GSE1: variants seen among roughly 807,000 people sequenced by gnomAD.
The protein encoded by GSE1 is Gse1 coiled-coil protein, also known as genetic suppressor element 1.
Under a neutral mutation model 112.6 loss-of-function variants are expected in GSE1, and 32 were observed. That is an observed-to-expected ratio of 0.28 (90% CI 0.21 to 0.38). The LOEUF (loss-of-function observed/expected upper bound fraction) is 0.38. GSE1 is among the 10% of genes least tolerant of loss of function. GSE1 has a pLI of 1.00. For synonymous variants in GSE1, 1,115 were observed against 735.6 expected, an observed-to-expected ratio of 1.52 and a Z score of -8.35; for missense variants, 2,348 against 1,699.2, an observed-to-expected ratio of 1.38 and a Z score of -6.71.
At chr16:85,247,312 A>G (rs1193273751) in intron 1 of GSE1, among the ~76,000 whole-genome samples, 6 of 152,182 alleles carry the variant, frequency 3.9e-5, no homozygotes, top group Admixed American at 3.9e-4. Context: ...TTGTTTGGAC[A>G]CATAATTGTC....
upstream of GSE1, among the ~76,000 whole-genome samples, chr16:85,611,747 C>T (rs1010792194): frequency 3.3e-5 from 5 of 152,080 alleles, no homozygotes; most frequent in African/African-American, 9.7e-5. Flanking sequence ...TGGTTCTGCT[C>T]CCCGCTGGCG....
In GSE1 at chr16:85,666,799, A is replaced by G. The variant is rs147466471; in HGVS notation, c.3130+452A>G. On this transcript the variant is annotated intron_variant, in intron 13 of 15. Coordinates refer to ENST00000253458, the MANE Select transcript of GSE1 (RefSeq NM_014615.5). ...TTCCCTTCCTTCATGGTGGTATCTA[A>G]AGATGTCACCACCAGCCCTCTGGAT... Among the ~76,000 whole-genome samples, 636 of 152,354 alleles carry G rather than the reference A, an allele frequency of 4.2e-3. 3 individuals are homozygous for G. The highest frequency in any genetic ancestry group is 0.015 in the African/African-American group (611 of 41,586).
intron 1 of GSE1, among the ~76,000 whole-genome samples, chr16:85,332,683 G>A (rs1320741344): frequency 6.6e-6 from 1 of 152,166 alleles, no homozygotes; most frequent in Non-Finnish European, 1.5e-5. Context: ...ACTGGATGGT[G>A]TGATGCTTTT....
At chr16:85,459,905 T>C (rs946038499) in intron 2 of GSE1, among the ~76,000 whole-genome samples, 6 of 152,200 alleles carry the variant, frequency 3.9e-5, no homozygotes, top group African/African-American at 1.4e-4. Flanking sequence ...GCTCACGCAG[T>C]GAGTGGATGG....
chr16:85,257,778 G>T (rs1345960196), intron 1 of GSE1, among the ~76,000 whole-genome samples: 3 of 152,240 alleles, frequency 2.0e-5, no homozygotes, highest in Non-Finnish European at 4.4e-5. Context: ...TGGCATCATT[G>T]CCTGGGCAAT....
chr16:85,448,760 C>A (rs948457381), intron 2 of GSE1, among the ~76,000 whole-genome samples: 14 of 152,240 alleles, frequency 9.2e-5, no homozygotes, highest in African/African-American at 2.4e-4. Flanking sequence ...CAACCCGGGG[C>A]AGGAAACCAC....
At chr16:85,516,798 CTTTT>C (rs71151300) in intron 2 of GSE1, among the ~76,000 whole-genome samples, 1 of 129,628 alleles carries the variant, frequency 7.7e-6, no homozygotes, top group Non-Finnish European at 1.6e-5. Context: ...TGTCTTGGTT[CTTTT>C]TTTTTTTTTT....
intron 1 of GSE1, among the ~76,000 whole-genome samples, chr16:85,585,809 C>A (rs2046665815): frequency 6.6e-6 from 1 of 152,266 alleles, no homozygotes; most frequent in Non-Finnish European, 1.5e-5. Flanking sequence ...GATCCACATA[C>A]ATTTCCTTTG....
intron 1 of GSE1, among the ~76,000 whole-genome samples, chr16:85,236,928 G>T (rs543028514): frequency 3.2e-4 from 48 of 152,316 alleles, no homozygotes; most frequent in African/African-American, 1.0e-3. Flanking sequence ...CTCCCCGAAT[G>T]AACTGTGAGT....
intron 1 of GSE1, among the ~76,000 whole-genome samples, chr16:85,562,824 G>A (rs13336143): frequency 0.033 from 5,006 of 152,122 alleles, 182 homozygotes; most frequent in African/African-American, 0.091. Context: ...CAGCGGTCAG[G>A]AGACCTCGCA....
At chr16:85,545,714 A>G (rs553714856) in intron 2 of GSE1, among the ~76,000 whole-genome samples, 2 of 152,328 alleles carry the variant, frequency 1.3e-5, no homozygotes, top group South Asian at 4.1e-4. Context: ...GCAGAAAGTC[A>G]GCATCCGGAA....
intron 1 of GSE1, among the ~76,000 whole-genome samples, chr16:85,173,713 A>T (rs2074404490): frequency 6.6e-6 from 1 of 152,124 alleles, no homozygotes; most frequent in Non-Finnish European, 1.5e-5. Flanking sequence ...AGTTGATGGG[A>T]TGCTGCCCGT....
At chr16:85,190,826 A>G (rs1045294341) in intron 1 of GSE1, among the ~76,000 whole-genome samples, 1 of 152,244 alleles carries the variant, frequency 6.6e-6, no homozygotes, top group Non-Finnish European at 1.5e-5. Context: ...CCAGGGCACA[A>G]AGGGCGGACT....
intron 1 of GSE1, among the ~76,000 whole-genome samples, chr16:85,220,001 AG>A (rs1360966254): frequency 6.6e-6 from 1 of 152,186 alleles, no homozygotes; most frequent in African/African-American, 2.4e-5. Flanking sequence ...CAGCTGCTTC[AG>A]GTGGGCGCTC....
intron 2 of GSE1, among the ~76,000 whole-genome samples, chr16:85,537,887 G>A (rs1404793140): frequency 6.6e-6 from 1 of 152,248 alleles, no homozygotes; most frequent in African/African-American, 2.4e-5. Flanking sequence ...TACAGGCTGG[G>A]ATAGAGCCAG....
intron 1 of GSE1, among the ~76,000 whole-genome samples, chr16:85,556,515 C>T (rs1438249194): frequency 1.3e-5 from 2 of 151,232 alleles, no homozygotes; most frequent in African/African-American, 2.4e-5. Context: ...CTCGGATCCT[C>T]CCGCTGCGGT....
rs2051785135 is a variant in GSE1 at position 85,654,927 on chromosome 16, A to G, written c.733A>G (p.Thr245Ala). The G allele has an allele frequency of 1.9e-6, 3 of 1,609,490 alleles. No individual in the cohort carries two copies. Among genetic ancestry groups the G allele is most frequent in the Admixed American group, 1.7e-5 (1 of 59,822 alleles). ...SLPPLGLDPATAAAYYHPSYL... is the reference protein window; with the variant it reads ...SLPPLGLDPAAAAAYYHPSYL... ...GCCTCCCCTCGGCCTGGACCCGGCCACTGCTGCAGCCTACTACCACCCCAG... is the reference window on the plus strand; with the variant it reads ...GCCTCCCCTCGGCCTGGACCCGGCCGCTGCTGCAGCCTACTACCACCCCAG... The change falls in exon 5 of 16, where the codon ACT becomes GCT. Residue 245 changes from threonine (T) to alanine (A), a missense_variant. Physicochemically the swap from Thr to Ala is moderately conservative, Grantham distance 58 (BLOSUM62 0). Coordinates refer to ENST00000253458, the MANE Select transcript of GSE1 (RefSeq NM_014615.5).
chr16:85,579,172 C>T (rs1460583579), intron 1 of GSE1, among the ~76,000 whole-genome samples: 1 of 152,026 alleles, frequency 6.6e-6, no homozygotes, highest in African/African-American at 2.4e-5. Flanking sequence ...TGGGGGAACC[C>T]GAGTGGTTTA....
rs116698647 is a variant in GSE1, at chr16:85,656,300, T to C, written c.990-43T>C. On this transcript the variant is annotated intron_variant, in intron 6 of 15. Transcript: ENST00000253458. ...GGGCCTGCCCCAGGTCCGTCTCTTG[T>C]TCCTGGTGCAGCAGAGCCCCCAACT... 9.5e-4 allele frequency: 1,515 copies of C among 1,601,574 alleles called. 20 individuals are homozygous for C. In the African/African-American group the frequency reaches 0.018, roughly 19 times the overall value.
Sources: gnomAD v4.1 joint callset for allele counts (sites outside exome capture counted in the v4.1 genomes callset) on GRCh38, gnomAD v4.1.1 for gene constraint, MANE v1.5 for transcripts, NCBI Gene and HGNC (gene_info 2026-07-23, HGNC 2026-07-21) for gene names.